The following TOPBP1 variants were observed in gnomAD, a reference collection of about 807,000 sequenced individuals.
TOPBP1 encodes the protein DNA topoisomerase II binding protein 1.
A neutral mutation model predicts 167.7 loss-of-function variants in TOPBP1; 28 were observed. That is an observed-to-expected ratio of 0.17 (90% CI 0.12 to 0.23). The LOEUF (loss-of-function observed/expected upper bound fraction) is 0.23, where lower values mean the gene tolerates loss of function less well. TOPBP1 is among the 10% of genes least tolerant of loss of function. The probability of loss-of-function intolerance (pLI) is 1.00; values close to 1 mark genes in which losing one functional copy is unlikely to be tolerated. For missense variants in TOPBP1, 1,554 were observed against 1,809.6 expected (o/e 0.86, Z 2.56); for synonymous variants, 598 against 611.4 (o/e 0.98, Z 0.32).
chr3:133,635,277 A>G lies in TOPBP1; in HGVS notation c.2520+2599T>C, dbSNP rs560195076. ...CCTTGTACTTATTTCTTTTTGAGAC[A>G]GGGTCTTGCTCTGTCACTCAGGCTG... On this transcript the variant is annotated intron_variant, in intron 14 of 27. Transcript: ENST00000260810. Among the ~76,000 whole-genome samples the G allele has an allele frequency of 2.8e-4, 43 of 152,174 alleles. 2 individuals are homozygous for G. The East Asian group carries it at 8.3e-3, about 29-fold the overall frequency.
rs372065650 is a variant in TOPBP1, at chr3:133,634,889, G to T, written c.2520+2987C>A. 5.3e-5 allele frequency among the ~76,000 whole-genome samples: 8 copies of T among 152,196 alleles called. 1 individual carries two copies. Among genetic ancestry groups the T allele is most frequent in the East Asian group, 1.9e-4 (1 of 5,168 alleles). ...AGAAGAGTACACATTTCATATATTC[G>T]ATTGTAGAGTTAAGACCAAAACGAG... On this transcript the variant is annotated intron_variant, in intron 14 of 27. Coordinates refer to ENST00000260810, the MANE Select transcript of TOPBP1 (RefSeq NM_007027.4).
chr3:133,611,179 C>A, intron 24 of TOPBP1, 38 bp from the exon 25 acceptor site: 1 of 1,591,930 alleles, frequency 6.3e-7, no homozygotes. Context: ...TTGTTACAGT[C>A]TGGGGAGCCA....
intron 8 of TOPBP1, among the ~76,000 whole-genome samples, chr3:133,651,322 G>A (rs943524137): frequency 5.9e-5 from 9 of 151,528 alleles, no homozygotes; most frequent in Non-Finnish European, 1.2e-4. Flanking sequence ...AAGCAGCTGG[G>A]ATTACAGGGG....
At position 133,652,618 on chromosome 3, in the gene TOPBP1, A is replaced by G; in HGVS notation, c.934T>C (p.Ser312Pro). 6.2e-7 allele frequency: 1 copy of G among 1,609,264 alleles called. No individual in the cohort carries two copies. Among genetic ancestry groups the G allele is most frequent in the South Asian group, 1.1e-5 (1 of 90,336 alleles). ...QINTIDSRTL[S>P]DVSNISNINA... ...ATGTTGGAAATATTGCTGACATCTG[A>G]AAGAGTACGACCTACATATTTTGAA... Residue 312 changes from serine to proline, a missense_variant, in exon 8 of 28, where the codon TCA (serine) becomes CCA (proline). Physicochemically the swap from Ser to Pro is moderately conservative, Grantham distance 74. This residue lies in a region of TOPBP1 where 1,197 missense variants were observed against 1,351.5 expected (regional missense o/e 0.89). Coordinates refer to ENST00000260810, the MANE Select transcript of TOPBP1 (RefSeq NM_007027.4).
At chr3:133,609,047 A>G (rs903757173) in intron 25 of TOPBP1, 85 bp from the exon 26 acceptor site, 28 of 1,082,596 alleles carry the variant, frequency 2.6e-5, no homozygotes, top group Admixed American at 2.1e-4. Flanking sequence ...CTGTAGACTT[A>G]GTTTTGTCAA....
At chr3:133,648,044 A>T (rs903630936) in intron 10 of TOPBP1, among the ~76,000 whole-genome samples, 5 of 152,194 alleles carry the variant, frequency 3.3e-5, no homozygotes, top group African/African-American at 9.7e-5. Context: ...GGACAAATAA[A>T]TGGTAAAGCT....
chr3:133,636,814 AT>A (rs1559822280), intron 14 of TOPBP1, among the ~76,000 whole-genome samples: 2 of 152,174 alleles, frequency 1.3e-5, no homozygotes, highest in Non-Finnish European at 2.9e-5. Context: ...AAGAGGCTTG[AT>A]CCTACACCTC....
chr3:133,614,662 TA>T (rs1934801733), intron 23 of TOPBP1, among the ~76,000 whole-genome samples: 2 of 152,114 alleles, frequency 1.3e-5, no homozygotes, highest in African/African-American at 4.8e-5. Flanking sequence ...TGGAAAAATC[TA>T]TAGGAGACTG....
intron 8 of TOPBP1, among the ~76,000 whole-genome samples, chr3:133,650,756 A>T (rs1381487922): frequency 2.0e-5 from 3 of 152,188 alleles, no homozygotes; most frequent in Non-Finnish European, 4.4e-5. Flanking sequence ...TACTTTCTAT[A>T]TGTAAGAAAT....
Position 133,600,990 on chromosome 3 carries a change from G to C in TOPBP1, c.*260C>G, listed in dbSNP as rs116195487. The C allele has an allele frequency of 3.3e-4, 77 of 235,896 alleles. No homozygotes were observed. The highest frequency in any genetic ancestry group is 1.7e-3 in the African/African-American group (76 of 43,832). 14.6% of individuals were successfully genotyped at this position (235,896 alleles called of 1,614,324 possible). On this transcript the variant is annotated 3_prime_UTR_variant, in exon 28 of 28. Coordinates refer to ENST00000260810, the MANE Select transcript of TOPBP1 (RefSeq NM_007027.4). ...CAAGAAAAATAAATATCTTTTAACAGACTTCAATGTGGTTTAACAGCAAGC... is the reference window on the plus strand; with the variant it reads ...CAAGAAAAATAAATATCTTTTAACACACTTCAATGTGGTTTAACAGCAAGC...
In TOPBP1 at chr3:133,640,132, T is replaced by G. The variant is rs750220970; in HGVS notation, c.2060A>C (p.Lys687Thr). 1 of 1,613,768 alleles carries G rather than the reference T, an allele frequency of 6.2e-7. No individual in the cohort carries two copies. Among genetic ancestry groups the G allele is most frequent in the Admixed American group, 1.7e-5 (1 of 59,940 alleles). The change falls in exon 13 of 28, where the codon AAA becomes ACA. Residue 687 changes from lysine (K) to threonine (T), a missense_variant. This residue lies in a region of TOPBP1 where 1,197 missense variants were observed against 1,351.5 expected (regional missense o/e 0.89). Coordinates refer to ENST00000260810, the MANE Select transcript of TOPBP1 (RefSeq NM_007027.4). ...AAGATGAGTACTGGCAAACATGCCT[T>G]TCTTTGCATTGGATTTGCGAACAAA... ...EYFVRKSNAK[K>T]GMFASTHLIL... is the part of the protein sequence containing the mutation.
Position 133,628,656 on chromosome 3 carries a change from A to T in TOPBP1, c.2598T>A (p.Val866=), listed in dbSNP as rs763022092. ...KRKPSTPLSE[V]IVKNLQLALA... is the part of the protein sequence containing the mutation. ...AAGCAAGTTGCAAGTTTTTGACAATAACTTCTGAGAGTGGCGTACTCGGTT... is the reference window on the plus strand; with the variant it reads ...AAGCAAGTTGCAAGTTTTTGACAATTACTTCTGAGAGTGGCGTACTCGGTT... The change falls in exon 15 of 28, where the codon GTT becomes GTA. Residue 866 remains valine, a synonymous_variant. Transcript: ENST00000260810. The T allele has an allele frequency of 3.5e-5, 56 of 1,586,666 alleles. 1 individual carries two copies. The South Asian group carries it at 6.3e-4, about 18-fold the overall frequency.
At chr3:133,615,427 A>G (rs1934836858) in intron 23 of TOPBP1, among the ~76,000 whole-genome samples, 1 of 152,226 alleles carries the variant, frequency 6.6e-6, no homozygotes, top group Non-Finnish European at 1.5e-5. Context: ...CAGTGAGCTG[A>G]GATTGTGCCA....
In TOPBP1 at chr3:133,649,956, A is replaced by G. The variant is rs377446335; in HGVS notation, c.1090-13T>C. The G allele has an allele frequency of 9.0e-6, 14 of 1,550,776 alleles. No homozygotes were observed. The African/African-American group carries it at 1.9e-4, about 22-fold the overall frequency. On this transcript the variant is annotated splice_polypyrimidine_tract_variant and intron_variant, in intron 8 of 27. Coordinates refer to ENST00000260810, the MANE Select transcript of TOPBP1 (RefSeq NM_007027.4). ...CGCAAAGATATATCTGCAAGAAAGA[A>G]AATATTTAATATACATAACATGCTT...
chr3:133,610,481 T>C (rs2107771649), intron 25 of TOPBP1, among the ~76,000 whole-genome samples: 1 of 152,076 alleles, frequency 6.6e-6, no homozygotes, highest in Middle Eastern at 3.4e-3. Context: ...AAACAGTATT[T>C]CAAGATGCTT....
rs763421281 is a variant in TOPBP1, at chr3:133,623,294, T to C, written c.3075+17A>G. 3.1e-6 allele frequency: 5 copies of C among 1,613,374 alleles called. No individual in the cohort carries two copies. The highest frequency in any genetic ancestry group is 4.2e-6 in the Non-Finnish European group (5 of 1,179,652). On this transcript the variant is annotated intron_variant, in intron 18 of 27. Transcript: ENST00000260810. ...TTTAGCTTAAGAGGGGGTAAATGTA[T>C]CATCCATATCTCCTACCTCATCATC...
intron 25 of TOPBP1, 23 bp from the exon 26 acceptor site, chr3:133,608,985 G>A: frequency 1.3e-6 from 2 of 1,563,582 alleles, no homozygotes; most frequent in Non-Finnish European, 8.7e-7. Flanking sequence ...AACAATCAGT[G>A]GTGAAATCAT....
chr3:133,620,630 T>A (rs1394288227), intron 19 of TOPBP1, among the ~76,000 whole-genome samples: 1 of 147,820 alleles, frequency 6.8e-6, no homozygotes, highest in Admixed American at 6.8e-5. Context: ...GGCTGGACAG[T>A]GGTGCGACCT....
At chr3:133,657,616 T>C (rs1295074224) in intron 4 of TOPBP1, among the ~76,000 whole-genome samples, 182 bp downstream of exon 4, 6 of 152,234 alleles carry the variant, frequency 3.9e-5, no homozygotes, top group Non-Finnish European at 8.8e-5. Context: ...AATTCTACTA[T>C]ATTCAATTTA....
Sources: gnomAD v4.1 joint callset for allele counts (sites outside exome capture counted in the v4.1 genomes callset) on GRCh38, gnomAD v4.1.1 for gene constraint, gnomAD v4.1.1 regional missense constraint, MANE v1.5 for transcripts, NCBI Gene and HGNC (gene_info 2026-07-23, HGNC 2026-07-21) for gene names.